DNAH11: variants seen among roughly 807,000 people sequenced by gnomAD.
DNAH11 encodes the protein dynein axonemal heavy chain 11, also known as axonemal beta dynein heavy chain 11.
Under a neutral mutation model 526.0 loss-of-function variants are expected in DNAH11, and 442 were observed. That is an observed-to-expected ratio of 0.84 (90% confidence interval 0.78 to 0.91). DNAH11 has a LOEUF of 0.91. Among genes scored for constraint, DNAH11 ranks in the 40% least tolerant of loss-of-function variants. The probability of loss-of-function intolerance (pLI) is 0.00; values close to 1 mark genes in which losing one functional copy is unlikely to be tolerated. For synonymous variants in DNAH11, 2,461 were observed against 1,935.9 expected, an observed-to-expected ratio of 1.27 and a Z score of -7.12; for missense variants, 6,989 against 5,448.7, an observed-to-expected ratio of 1.28 and a Z score of -8.90.
Position 21,807,022 on chromosome 7 carries a change from A to G in DNAH11, c.10166-861A>G, listed in dbSNP as rs188017853. Among the ~76,000 whole-genome samples the G allele has an allele frequency of 2.0e-5, 3 of 152,374 alleles. No homozygotes were observed. In the East Asian group the frequency reaches 5.8e-4, roughly 29 times the overall value. ...CTACCAATGCTACTCTTTAATTAGT[A>G]GAATCCAGGATAGATGGCTATTTCA... On this transcript the variant is annotated intron_variant, in intron 62 of 81. Transcript: ENST00000409508.
At position 21,600,790 on chromosome 7, in the gene DNAH11, T is replaced by C. The variant is rs773295029; in HGVS notation, c.3115T>C (p.Tyr1039His). The C allele has an allele frequency of 3.7e-6, 6 of 1,613,916 alleles. No homozygotes were observed. Among genetic ancestry groups the C allele is most frequent in the Non-Finnish European group, 5.1e-6 (6 of 1,179,846 alleles). Reference protein sequence around the residue: ...DFRNTLETHTYLWVDDRAEFM... With the variant: ...DFRNTLETHTHLWVDDRAEFM... ...CAGAAACACCCTGGAGACCCACACT[T>C]ACCTCTGGGTGGATGATCGAGCTGA... Residue 1039 changes from tyrosine to histidine, a missense_variant, in exon 16 of 82, where the codon TAC (tyrosine) becomes CAC (histidine). By Grantham distance (83) the Tyr-to-His change is moderately conservative (BLOSUM62 2). Coordinates refer to ENST00000409508, the MANE Select transcript of DNAH11 (RefSeq NM_001277115.2).
chr7:21,561,208 C>T, intron 5 of DNAH11, 38 bp downstream of exon 5: 2 of 1,431,078 alleles, frequency 1.4e-6, no homozygotes, highest in Non-Finnish European at 1.9e-6. Flanking sequence ...TCAATATCAC[C>T]ATCTGCTCAT....
At chr7:21,900,904 C>CA in intron 81 of DNAH11, 103 bp from the exon 82 acceptor site, 17 of 1,476,236 alleles carry the variant, frequency 1.2e-5, no homozygotes, top group Non-Finnish European at 1.4e-5. Flanking sequence ...AAAAATATGA[C>CA]AAAACCAGAA....
At chr7:21,869,976 G>A (rs1365649809) in intron 73 of DNAH11, among the ~76,000 whole-genome samples, 7 of 152,174 alleles carry the variant, frequency 4.6e-5, no homozygotes, top group Admixed American at 1.3e-4. Flanking sequence ...TGTCTCACTA[G>A]GTCTAGGAAT....
At chr7:21,568,317 G>A (rs549994628) in intron 6 of DNAH11, among the ~76,000 whole-genome samples, 24 of 152,246 alleles carry the variant, frequency 1.6e-4, no homozygotes, top group African/African-American at 4.8e-4. Context: ...GTGGTTAGGC[G>A]TGCTCCAGAC....
intron 79 of DNAH11, among the ~76,000 whole-genome samples, chr7:21,898,935 C>G (rs1784631624): frequency 6.6e-6 from 1 of 152,228 alleles, no homozygotes; most frequent in Non-Finnish European, 1.5e-5. Flanking sequence ...GGTCTTGTAA[C>G]CACCATCACA....
intron 70 of DNAH11, 100 bp downstream of exon 70, chr7:21,864,757 TA>T (rs1287291259): frequency 1.7e-6 from 2 of 1,184,612 alleles, no homozygotes; most frequent in African/African-American, 3.1e-5. Flanking sequence ...GGTGATGTAT[TA>T]AGCACCATTT....
At position 21,825,885 on chromosome 7, in the gene DNAH11, G is replaced by A. The variant is rs1790269762; in HGVS notation, c.10691+7546G>A. Among the ~76,000 whole-genome samples, 3 of 152,012 alleles carry A rather than the reference G, an allele frequency of 2.0e-5. No individual in the cohort carries two copies. In the South Asian group the frequency reaches 6.2e-4, roughly 32 times the overall value. On this transcript the variant is annotated intron_variant, in intron 65 of 81. Transcript: ENST00000409508. ...GAGGCAGGAGAACGGCATGAACCTG[G>A]GAGGTGGAGCTCGCAGTGAGCCAAG... is the stretch of plus-strand genomic sequence containing the variant.
intron 68 of DNAH11, among the ~76,000 whole-genome samples, chr7:21,857,688 A>G (rs537017360): frequency 6.6e-6 from 1 of 152,298 alleles, no homozygotes; most frequent in African/African-American, 2.4e-5. Flanking sequence ...TGCATGGTCA[A>G]TTGATTTTCA....
In DNAH11 at chr7:21,616,213, G is replaced by C; in HGVS notation, c.4016G>C (p.Ser1339Thr). Residue 1339 changes from serine (S) to threonine (T), a missense_variant, in exon 22 of 82, where the codon AGC becomes ACC. By Grantham distance (58) the Ser-to-Thr change is moderately conservative (BLOSUM62 1). Coordinates refer to ENST00000409508, the MANE Select transcript of DNAH11 (RefSeq NM_001277115.2). ...LWDVIIYVRR[S>T]IDNWTKTQWR... Reference sequence around the variant, plus strand: ...TATCTGCTTTTGCGTTTTCAGAGAAGCATTGATAATTGGACTAAAACCCAG... The same window carrying C: ...TATCTGCTTTTGCGTTTTCAGAGAACCATTGATAATTGGACTAAAACCCAG... The C allele has an allele frequency of 6.2e-7, 1 of 1,613,362 alleles. No homozygotes were observed. The highest frequency in any genetic ancestry group is 8.5e-7 in the Non-Finnish European group (1 of 1,179,550).
chr7:21,786,608 G>A lies in DNAH11; in HGVS notation c.9598-16G>A, dbSNP rs183862333. ...TAATCCTGTCTGTGTACGTGTTTCT[G>A]TGTGCTTTTCTTCAGGTCAACCTCA... is the stretch of plus-strand genomic sequence containing the variant. On this transcript the variant is annotated splice_polypyrimidine_tract_variant and intron_variant, in intron 58 of 81. Transcript: ENST00000409508. 3.4e-4 allele frequency: 553 copies of A among 1,605,252 alleles called. 1 individual carries two copies. The African/African-American group carries it at 6.7e-3, about 20-fold the overall frequency.
intron 2 of DNAH11, among the ~76,000 whole-genome samples, chr7:21,556,184 G>A (rs62441668): frequency 0.18 from 27,449 of 152,104 alleles, 2,534 homozygotes; most frequent in Middle Eastern, 0.24. Flanking sequence ...TTTTCCAACA[G>A]TGAAACTTTC....
At chr7:21,658,008 A>G (rs959008530) in intron 29 of DNAH11, among the ~76,000 whole-genome samples, 2 of 152,108 alleles carry the variant, frequency 1.3e-5, no homozygotes, top group Non-Finnish European at 2.9e-5. Context: ...TTTTATTGCT[A>G]TGGTCAATTA....
In DNAH11 at chr7:21,842,743, C is replaced by T; in HGVS notation, c.10891C>T (p.Leu3631Phe). 1.9e-6 allele frequency: 3 copies of T among 1,606,802 alleles called. No homozygotes were observed. Among genetic ancestry groups the T allele is most frequent in the Non-Finnish European group, 2.6e-6 (3 of 1,176,468 alleles). ...VSIERPDLEK[L>F]KLVLTKHQND... ...TATTGAAAGGCCAGATTTGGAGAAA[C>T]TTAAGGTAAAAATGTTTACGTCACC... The change falls in exon 66 of 82, where the codon CTT becomes TTT. Residue 3631 changes from leucine to phenylalanine, a missense_variant. Physicochemically the swap from Leu to Phe is conservative, Grantham distance 22 (BLOSUM62 0). Coordinates refer to ENST00000409508, the MANE Select transcript of DNAH11 (RefSeq NM_001277115.2).
chr7:21,748,087 G>A (rs2965355), intron 51 of DNAH11, among the ~76,000 whole-genome samples: 141,002 of 152,268 alleles, frequency 0.93, 65,360 homozygotes, highest in Non-Finnish European at 0.94. Flanking sequence ...TAGGGTGAAG[G>A]TAGCGTCTTT....
At chr7:21,591,956 C>T (rs1043858620) in intron 14 of DNAH11, among the ~76,000 whole-genome samples, 15 of 152,174 alleles carry the variant, frequency 9.9e-5, no homozygotes, top group Non-Finnish European at 1.0e-4. Context: ...TCTCAACCAT[C>T]TCCTAAGGGT....
At chr7:21,634,739 C>T (rs2128459016) in intron 25 of DNAH11, among the ~76,000 whole-genome samples, 1 of 152,160 alleles carries the variant, frequency 6.6e-6, no homozygotes, top group East Asian at 1.9e-4. Context: ...GTGATGAAAT[C>T]ATGTGCACAC....
At position 21,559,074 on chromosome 7, in the gene DNAH11, C is replaced by T. The variant is rs915654635; in HGVS notation, c.692+76C>T. 1.5e-5 allele frequency: 20 copies of T among 1,309,480 alleles called. 1 individual carries two copies. Among genetic ancestry groups the T allele is most frequent in the Non-Finnish European group, 8.4e-6 (8 of 957,934 alleles). The allele number at this position is 1,309,480 out of a possible 1,614,324, so 81.1% of individuals were successfully genotyped here. On this transcript the variant is annotated intron_variant, in intron 3 of 81. Coordinates refer to ENST00000409508, the MANE Select transcript of DNAH11 (RefSeq NM_001277115.2). ...GCACGGTGGCTCATGCCTATAATCC[C>T]AGCAATTTGGAGGCTGAGGTGGGAG...
chr7:21,816,410 T>C (rs1348452289), intron 63 of DNAH11, 57 bp from the exon 64 acceptor site: 1 of 1,357,114 alleles, frequency 7.4e-7, no homozygotes, highest in Non-Finnish European at 1.0e-6. Context: ...TCTTTTCTTG[T>C]CTGTCTTCTC....
Sources: gnomAD v4.1 joint callset for allele counts (sites outside exome capture counted in the v4.1 genomes callset) on GRCh38, gnomAD v4.1.1 for gene constraint, MANE v1.5 for transcripts, NCBI Gene and HGNC (gene_info 2026-07-23, HGNC 2026-07-21) for gene names.